The following MTHFD1L variants were observed in gnomAD, a reference collection of about 807,000 sequenced individuals.
The protein encoded by MTHFD1L is methylenetetrahydrofolate dehydrogenase (NADP+ dependent) 1 like.
A neutral mutation model predicts 119.5 loss-of-function variants in MTHFD1L; 81 were observed. The observed-to-expected ratio is 0.68, with a 90% CI of 0.57 to 0.82. The LOEUF is 0.82. MTHFD1L is among the 40% of genes least tolerant of loss of function. The pLI is 0.00. For missense variants in MTHFD1L, 1,125 were observed against 1,253.4 expected (o/e 0.90, Z 1.55); for synonymous variants, 430 against 475.2 (o/e 0.90, Z 1.24).
intron 24 of MTHFD1L, among the ~76,000 whole-genome samples, chr6:151,026,782 C>G (rs1784653164): frequency 7.0e-6 from 1 of 143,644 alleles, no homozygotes; most frequent in African/African-American, 2.6e-5. Flanking sequence ...CTTTCTTTCC[C>G]TTCTTTGCCT....
intron 26 of MTHFD1L, among the ~76,000 whole-genome samples, chr6:151,076,585 A>G (rs1792544801): frequency 6.7e-6 from 1 of 149,776 alleles, no homozygotes; most frequent in Non-Finnish European, 1.5e-5. Context: ...CAGGAAACAG[A>G]GGTTGCAGTG....
intron 26 of MTHFD1L, among the ~76,000 whole-genome samples, chr6:151,043,378 C>T (rs1787445767): frequency 6.8e-6 from 1 of 147,890 alleles, no homozygotes; most frequent in Admixed American, 7.0e-5. Flanking sequence ...GATACTCCTG[C>T]CTCAGCCTCC....
chr6:151,051,908 A>G (rs1789108748), intron 26 of MTHFD1L, among the ~76,000 whole-genome samples: 1 of 152,208 alleles, frequency 6.6e-6, no homozygotes, highest in Non-Finnish European at 1.5e-5. Context: ...GCAGGGACTG[A>G]GGCGGGAGGC....
At chr6:150,903,937 GCT>G (rs1218646476) in intron 7 of MTHFD1L, among the ~76,000 whole-genome samples, 2 of 152,192 alleles carry the variant, frequency 1.3e-5, no homozygotes, top group African/African-American at 2.4e-5. Context: ...GACTTTGTCA[GCT>G]CTATGAAAAG....
chr6:150,952,687 G>A (rs537502599), intron 16 of MTHFD1L, among the ~76,000 whole-genome samples: 55 of 152,200 alleles, frequency 3.6e-4, no homozygotes, highest in African/African-American at 1.3e-3. Context: ...GCGCCACCAT[G>A]CCCAGCTAAT....
chr6:150,888,036 A>G, intron 7 of MTHFD1L, 55 bp downstream of exon 7: 2 of 1,513,736 alleles, frequency 1.3e-6, no homozygotes, highest in East Asian at 4.7e-5. Flanking sequence ...AACAGAAGAA[A>G]GTCTAGAAAT....
intron 24 of MTHFD1L, among the ~76,000 whole-genome samples, chr6:151,028,540 A>G (rs1311088160): frequency 6.6e-6 from 1 of 152,166 alleles, no homozygotes; most frequent in Non-Finnish European, 1.5e-5. Context: ...ATGCTAAATG[A>G]AATACACCAG....
At chr6:150,883,388 G>A (rs1286399268) in intron 5 of MTHFD1L, among the ~76,000 whole-genome samples, 1 of 152,094 alleles carries the variant, frequency 6.6e-6, no homozygotes, top group African/African-American at 2.4e-5. Context: ...AAATACATTA[G>A]CCCTTTTATA....
At chr6:151,044,949 A>C (rs1787743743) in intron 26 of MTHFD1L, among the ~76,000 whole-genome samples, 1 of 152,154 alleles carries the variant, frequency 6.6e-6, no homozygotes. Context: ...CTCACGTTTC[A>C]GTTCAGCTCG....
At chr6:150,906,979 G>A (rs1193587628) in intron 8 of MTHFD1L, among the ~76,000 whole-genome samples, 5 of 150,324 alleles carry the variant, frequency 3.3e-5, no homozygotes, top group Non-Finnish European at 5.9e-5. Context: ...TTAAAAATAT[G>A]TGTAATTTAT....
intron 20 of MTHFD1L, among the ~76,000 whole-genome samples, chr6:151,004,952 A>G (rs1237656138): frequency 6.6e-6 from 1 of 151,536 alleles, no homozygotes; most frequent in African/African-American, 2.4e-5. Flanking sequence ...CCTTTCAGCA[A>G]AGCTAAATCC....
rs913008478 is a variant in MTHFD1L at position 150,987,575 on chromosome 6, G to A, written c.2125+15517G>A. On this transcript the variant is annotated intron_variant, in intron 20 of 27. Coordinates refer to ENST00000367321, the MANE Select transcript of MTHFD1L (RefSeq NM_015440.5). Reference sequence around the variant, plus strand: ...TTGCAGGTGAGAAAACTGAGCATCCGAGTGAGTTAGTAGTTTGCTCAAAGG... The same window carrying A: ...TTGCAGGTGAGAAAACTGAGCATCCAAGTGAGTTAGTAGTTTGCTCAAAGG... Among the ~76,000 whole-genome samples, 6 of 152,202 alleles carry A rather than the reference G, an allele frequency of 3.9e-5. 1 individual carries two copies. Among genetic ancestry groups the A allele is most frequent in the South Asian group, 2.1e-4 (1 of 4,824 alleles).
chr6:151,053,137 A>G lies in MTHFD1L; in HGVS notation c.2847+16020A>G, dbSNP rs528226051. 9.5e-4 allele frequency among the ~76,000 whole-genome samples: 144 copies of G among 152,352 alleles called. 1 individual carries two copies. The Middle Eastern group carries it at 0.01, about 11-fold the overall frequency. On this transcript the variant is annotated intron_variant, in intron 26 of 27. Coordinates refer to ENST00000367321, the MANE Select transcript of MTHFD1L (RefSeq NM_015440.5). ...TTCTCTGTTTGAGATACCATGCAGT[A>G]TTTGTCCAACTTGTACAAATAGTTC... is the stretch of plus-strand genomic sequence containing the variant.
At chr6:150,934,282 ACT>A (rs1791674930) in intron 11 of MTHFD1L, among the ~76,000 whole-genome samples, 1 of 151,538 alleles carries the variant, frequency 6.6e-6, no homozygotes, top group South Asian at 2.1e-4. Flanking sequence ...GCCCCAATCC[ACT>A]CTCAGTTTTA....
At chr6:150,870,953 ATATATATAT>A (rs1779326347) in intron 1 of MTHFD1L, among the ~76,000 whole-genome samples, 1 of 142,268 alleles carries the variant, frequency 7.0e-6, no homozygotes, top group Non-Finnish European at 1.5e-5. Flanking sequence ...AAAAACATAT[ATATATATAT>A]TATATATATA....
intron 4 of MTHFD1L, among the ~76,000 whole-genome samples, chr6:150,880,196 TTA>T (rs1432184263): frequency 6.6e-6 from 1 of 152,162 alleles, no homozygotes; most frequent in Non-Finnish European, 1.5e-5. Flanking sequence ...ACACTGGAAT[TTA>T]TTCCTCCTAT....
At position 150,926,225 on chromosome 6, in the gene MTHFD1L, G is replaced by T; in HGVS notation, c.1186G>T (p.Ala396Ser). 1 of 1,614,104 alleles carries T rather than the reference G, an allele frequency of 6.2e-7. No individual in the cohort carries two copies. The highest frequency in any genetic ancestry group is 8.5e-7 in the Non-Finnish European group (1 of 1,180,016). Reference protein sequence around the residue: ...DEIEIYGKSKAKVRLSVLERL... With the variant: ...DEIEIYGKSKSKVRLSVLERL... ...AATTGAAATCTATGGCAAAAGCAAA[G>T]CCAAAGTACGTTTGTCCGTGCTAGA... is the stretch of plus-strand genomic sequence containing the variant. Residue 396 changes from alanine (A) to serine (S), a missense_variant, in exon 11 of 28, where the codon GCC becomes TCC. Around this residue, in one of 3 missense-constraint regions of MTHFD1L, gnomAD observed 1,058 missense variants for 1,151.2 expected, o/e 0.92. Coordinates refer to ENST00000367321, the MANE Select transcript of MTHFD1L (RefSeq NM_015440.5). This position sits in a 1 kb window ranked among gnomAD's most constrained non-coding sequence, Gnocchi z 4.3.
intron 8 of MTHFD1L, among the ~76,000 whole-genome samples, chr6:150,916,498 TTGGTA>T (rs1787949180): frequency 2.2e-5 from 1 of 44,484 alleles, no homozygotes; most frequent in African/African-American, 1.5e-4. Context: ...TTTTTTTTTT[TTGGTA>T]TTTTTAGTAG....
intron 20 of MTHFD1L, among the ~76,000 whole-genome samples, chr6:150,997,431 C>T (rs1225007663): frequency 2.0e-5 from 3 of 152,106 alleles, no homozygotes; most frequent in African/African-American, 2.4e-5. Flanking sequence ...GGGATCAGTG[C>T]GAGTAACAGT....
Sources: gnomAD v4.1 joint callset for allele counts (sites outside exome capture counted in the v4.1 genomes callset) on GRCh38, gnomAD v4.1.1 for gene constraint, gnomAD v4.1.1 regional missense constraint, Gnocchi (gnomAD v3.1) non-coding constraint, MANE v1.5 for transcripts, NCBI Gene and HGNC (gene_info 2026-07-23, HGNC 2026-07-21) for gene names.